Variants in DLC1 observed in about 807,000 individuals in gnomAD.
The protein encoded by DLC1 is rho GTPase-activating protein 7.
A neutral mutation model predicts 140.3 loss-of-function variants in DLC1; 54 were observed. The observed-to-expected ratio is 0.38, with a 90% CI of 0.31 to 0.48. The LOEUF (loss-of-function observed/expected upper bound fraction) is 0.48. Among genes scored for constraint, DLC1 ranks in the 20% least tolerant of loss-of-function variants. DLC1 has a pLI of 0.96. For synonymous variants in DLC1, 986 were observed against 728.1 expected (o/e 1.35, Z -5.70); for missense variants, 2,536 against 1,907.0 (o/e 1.33, Z -6.14).
At chr8:13,457,421 G>A (rs1417975108) in intron 2 of DLC1, among the ~76,000 whole-genome samples, 1 of 152,214 alleles carries the variant, frequency 6.6e-6, no homozygotes, top group East Asian at 1.9e-4. Flanking sequence ...GCTCATGCCT[G>A]TAATCCCAGC....
At chr8:13,431,698 G>T (rs1172142728) in intron 2 of DLC1, among the ~76,000 whole-genome samples, 2 of 151,844 alleles carry the variant, frequency 1.3e-5, no homozygotes, top group East Asian at 3.9e-4. Context: ...ATGTGTAATT[G>T]TGGTCAGGGG....
chr8:13,577,097 C>T (rs1804868945), intron 1 of DLC1, among the ~76,000 whole-genome samples: 1 of 152,096 alleles, frequency 6.6e-6, no homozygotes, highest in Non-Finnish European at 1.5e-5. Context: ...CACCATGGGG[C>T]ACCATTAATT....
chr8:13,469,908 C>G (rs1800128011), intron 2 of DLC1, among the ~76,000 whole-genome samples: 1 of 152,096 alleles, frequency 6.6e-6, no homozygotes, highest in African/African-American at 2.4e-5. Context: ...TTTCTGCCCT[C>G]CAGAATAATG....
chr8:13,147,065 C>G (rs1563684865), intron 5 of DLC1, among the ~76,000 whole-genome samples: 1 of 152,136 alleles, frequency 6.6e-6, no homozygotes, highest in Non-Finnish European at 1.5e-5. Flanking sequence ...TCTTCATTTG[C>G]CCTGGTTTGT....
intron 5 of DLC1, among the ~76,000 whole-genome samples, chr8:13,159,875 C>T (rs1163863564): frequency 1.4e-5 from 2 of 145,972 alleles, no homozygotes; most frequent in South Asian, 2.2e-4. Context: ...AAAAAAAAGG[C>T]GAGGCCAGGT....
chr8:13,326,499 A>G (rs1165859912), intron 4 of DLC1, among the ~76,000 whole-genome samples: 1 of 152,200 alleles, frequency 6.6e-6, no homozygotes, highest in East Asian at 1.9e-4. Flanking sequence ...AAAGCTGCCT[A>G]CTACTTTCCC....
At chr8:13,510,181 T>C (rs1802295077) in intron 1 of DLC1, among the ~76,000 whole-genome samples, 1 of 151,570 alleles carries the variant, frequency 6.6e-6, no homozygotes, top group Non-Finnish European at 1.5e-5. Flanking sequence ...CTTTTTTTTT[T>C]TTTTTTTCCT....
At chr8:13,281,141 G>A (rs1399686725) in intron 5 of DLC1, among the ~76,000 whole-genome samples, 1 of 152,216 alleles carries the variant, frequency 6.6e-6, no homozygotes, top group Non-Finnish European at 1.5e-5. Context: ...ATATGCCATG[G>A]AGGACTGTTT....
At chr8:13,481,108 A>G (rs112300300) in intron 2 of DLC1, among the ~76,000 whole-genome samples, 62 of 152,284 alleles carry the variant, frequency 4.1e-4, no homozygotes, top group African/African-American at 1.2e-3. Flanking sequence ...CAATAAATTT[A>G]ACTAAAATAT....
intron 2 of DLC1, among the ~76,000 whole-genome samples, chr8:13,495,209 G>A (rs866007568): frequency 6.6e-6 from 1 of 152,132 alleles, no homozygotes; most frequent in African/African-American, 2.4e-5. Context: ...AACTATTTAA[G>A]TAGTCTTTAC....
At chr8:13,396,102 C>G (rs1298132491) in intron 3 of DLC1, among the ~76,000 whole-genome samples, 1 of 149,754 alleles carries the variant, frequency 6.7e-6, no homozygotes, top group African/African-American at 2.5e-5. Flanking sequence ...CTCTGTTGCC[C>G]AGGCTGGAGT....
chr8:13,290,942 C>T (rs540299816), intron 5 of DLC1, among the ~76,000 whole-genome samples: 2 of 152,098 alleles, frequency 1.3e-5, no homozygotes, highest in Non-Finnish European at 2.9e-5. Flanking sequence ...GAGTTTCATT[C>T]TCACTGCCCA....
intron 1 of DLC1, among the ~76,000 whole-genome samples, chr8:13,572,088 A>ATT (rs142718239): frequency 6.6e-5 from 4 of 60,648 alleles, no homozygotes; most frequent in Non-Finnish European, 1.1e-4. Context: ...TATTATTATT[A>ATT]TTATTTATTT....
chr8:13,379,690 G>C (rs750325126), intron 4 of DLC1, among the ~76,000 whole-genome samples: 1 of 152,100 alleles, frequency 6.6e-6, no homozygotes, highest in Non-Finnish European at 1.5e-5. Flanking sequence ...AGAACTTGCA[G>C]GTTTGTTACA....
At chr8:13,387,572 T>C (rs1836578367) in intron 4 of DLC1, among the ~76,000 whole-genome samples, 1 of 152,004 alleles carries the variant, frequency 6.6e-6, no homozygotes, top group Non-Finnish European at 1.5e-5. Context: ...GTATGGGATA[T>C]GTGATTGGAT....
intron 2 of DLC1, among the ~76,000 whole-genome samples, chr8:13,404,445 C>T (rs1837435669): frequency 6.6e-6 from 1 of 151,928 alleles, no homozygotes; most frequent in African/African-American, 2.4e-5. Flanking sequence ...GGTAGGGGGC[C>T]AGAAGGATAG....
At chr8:13,380,466 G>A (rs559606510) in intron 4 of DLC1, among the ~76,000 whole-genome samples, 4 of 152,198 alleles carry the variant, frequency 2.6e-5, no homozygotes, top group African/African-American at 9.6e-5. Context: ...CCTTTTTGTG[G>A]ATATAAACTC....
Position 13,357,265 on chromosome 8 carries a change from T to A in DLC1, c.1314+36288A>T, listed in dbSNP as rs151158295. Among the ~76,000 whole-genome samples, 1,181 of 152,036 alleles carry A rather than the reference T, an allele frequency of 7.8e-3. 10 individuals are homozygous for A. Among genetic ancestry groups the A allele is most frequent in the South Asian group, 0.05 (238 of 4,800 alleles). Reference sequence around the variant, plus strand: ...CAGCCTGGGCAACAGAGTGAGAGTCTGTCAAACTGAAAGAAAAGTCCTGCC... The same window carrying A: ...CAGCCTGGGCAACAGAGTGAGAGTCAGTCAAACTGAAAGAAAAGTCCTGCC... On this transcript the variant is annotated intron_variant, in intron 4 of 17. Transcript: ENST00000276297.
At chr8:13,602,153 A>C (rs1805909285) in intron 1 of DLC1, among the ~76,000 whole-genome samples, 1 of 151,870 alleles carries the variant, frequency 6.6e-6, no homozygotes, top group African/African-American at 2.4e-5. Context: ...CATGTTAAAC[A>C]ATACCATGGT....
Sources: allele counts gnomAD v4.1 joint callset (sites outside exome capture counted in the v4.1 genomes callset), GRCh38; gene constraint gnomAD v4.1.1; transcripts MANE v1.5; gene names NCBI Gene and HGNC (gene_info 2026-07-23, HGNC 2026-07-21).